KANK1: variants seen among roughly 807,000 people sequenced by gnomAD.
KANK1 encodes KN motif and ankyrin repeat domain-containing protein 1.
KANK1 carries 109 observed loss-of-function variants against 106.2 expected under a neutral mutation model. The ratio of observed to expected loss-of-function variants is 1.03; its 90% CI spans 0.88 to 1.20. The LOEUF is 1.20. Among genes scored for constraint, KANK1 ranks in the 50% most tolerant of loss-of-function variants. The pLI is 0.00. For synonymous variants in KANK1, 873 were observed against 652.2 expected (o/e 1.34, Z -5.16); for missense variants, 2,399 against 1,710.7 (o/e 1.40, Z -7.10).
intron 10 of KANK1, 36 bp from the exon 11 acceptor site, chr9:744,455 A>G: frequency 6.3e-7 from 1 of 1,593,700 alleles, no homozygotes; most frequent in Non-Finnish European, 8.6e-7. Context: ...GGTTTGAGAA[A>G]CCCAACATGG....
At chr9:626,159 T>C (rs1233550806) in intron 1 of KANK1, among the ~76,000 whole-genome samples, 3 of 152,176 alleles carry the variant, frequency 2.0e-5, no homozygotes, top group African/African-American at 4.8e-5. Context: ...TTAAGTATTT[T>C]ATGTACTGTA....
chr9:523,580 C>T (rs1471675384), intron 1 of KANK1, among the ~76,000 whole-genome samples: 6 of 151,750 alleles, frequency 4.0e-5, no homozygotes, highest in African/African-American at 1.2e-4. Flanking sequence ...CTGTCCTTGC[C>T]CGGTCCCTTG....
intron 3 of KANK1, among the ~76,000 whole-genome samples, chr9:729,044 A>T (rs915722473): frequency 6.6e-6 from 1 of 152,216 alleles, no homozygotes; most frequent in African/African-American, 2.4e-5. Context: ...TTGGTCATTC[A>T]TACTTGGCTC....
At chr9:613,315 A>G (rs1962204) in intron 1 of KANK1, among the ~76,000 whole-genome samples, 38,259 of 149,940 alleles carry the variant, frequency 0.26, 5,100 homozygotes, top group Admixed American at 0.34. Context: ...GATAGCAAGT[A>G]CAGCTGTAAC....
intron 2 of KANK1, among the ~76,000 whole-genome samples, chr9:681,711 C>A (rs952481751): frequency 6.6e-6 from 1 of 152,118 alleles, no homozygotes; most frequent in African/African-American, 2.4e-5. Flanking sequence ...AGGAAACATC[C>A]CAGGTACCCT....
chr9:568,396 A>G (rs4740818), intron 1 of KANK1, among the ~76,000 whole-genome samples: 35,630 of 152,122 alleles, frequency 0.23, 4,676 homozygotes, highest in East Asian at 0.56. Context: ...AAGTTTCTGA[A>G]ATTTTTACAG....
chr9:596,480 C>A lies in KANK1; in HGVS notation c.-83-80410C>A, dbSNP rs142796520. ...AGCTGAACTAGGCTTTTGTTTCTGG[C>A]AATGGATCATTTTGCTGTCACGGAG... On this transcript the variant is annotated intron_variant, in intron 1 of 11. Transcript: ENST00000382297. Among the ~76,000 whole-genome samples the A allele has an allele frequency of 6.6e-3, 995 of 151,806 alleles. 14 individuals are homozygous for A. Among genetic ancestry groups the A allele is most frequent in the Non-Finnish European group, 7.7e-3 (526 of 68,022 alleles).
chr9:622,704 C>G (rs1833430085), intron 1 of KANK1, among the ~76,000 whole-genome samples: 1 of 151,930 alleles, frequency 6.6e-6, no homozygotes, highest in Admixed American at 6.6e-5. Context: ...GAGTTTGAGA[C>G]CAGCCTGGCC....
chr9:518,763 T>TA (rs1332708361), intron 1 of KANK1, among the ~76,000 whole-genome samples: 3 of 151,466 alleles, frequency 2.0e-5, no homozygotes, highest in Non-Finnish European at 4.4e-5. Flanking sequence ...CTGTATGACA[T>TA]ACAGTGAACA....
At chr9:494,999 G>C (rs1010064220) in intron 3 of KANK1, among the ~76,000 whole-genome samples, 2 of 152,162 alleles carry the variant, frequency 1.3e-5, no homozygotes, top group East Asian at 1.9e-4. Context: ...CAAATACAAG[G>C]CTAACCTAAG....
At position 745,184 on chromosome 9, in the gene KANK1, G is replaced by A. The variant is rs1030165144; in HGVS notation, c.4008G>A (p.Arg1336=). ...TTCCTGGTCTCTAGGGCACCCCTAG[G>A]CTTGGAAGGAAGACGTCTCCTGGCC... is the stretch of plus-strand genomic sequence containing the variant. The part of the protein sequence containing the change: ...FAKAQSPGTP[R]LGRKTSPGPT... Residue 1336 remains arginine (R), a synonymous_variant, in exon 12 of 12, where the codon AGG becomes AGA. Transcript: ENST00000382297. The A allele has an allele frequency of 1.2e-6, 2 of 1,613,950 alleles. No homozygotes were observed. Among genetic ancestry groups the A allele is most frequent in the Admixed American group, 3.3e-5 (2 of 60,006 alleles).
chr9:652,926 A>G (rs1841243554), intron 1 of KANK1, among the ~76,000 whole-genome samples: 2 of 152,174 alleles, frequency 1.3e-5, no homozygotes, highest in Admixed American at 6.5e-5. Context: ...TTAGAGGAGA[A>G]CACAGAGCCC....
intron 2 of KANK1, among the ~76,000 whole-genome samples, chr9:688,109 T>G (rs1818977665): frequency 6.6e-6 from 1 of 152,210 alleles, no homozygotes; most frequent in Admixed American, 6.5e-5. Flanking sequence ...TGTGCTATAT[T>G]CTTTGCAGTT....
chr9:727,841 A>G (rs1483457280), intron 3 of KANK1, among the ~76,000 whole-genome samples: 1 of 152,168 alleles, frequency 6.6e-6, no homozygotes, highest in Non-Finnish European at 1.5e-5. Flanking sequence ...AAAATTCTAC[A>G]ATATATCTGT....
chr9:622,678 C>A (rs896644237), intron 1 of KANK1, among the ~76,000 whole-genome samples: 15 of 151,996 alleles, frequency 9.9e-5, no homozygotes, highest in Non-Finnish European at 2.1e-4. Context: ...CTGAGGCTGG[C>A]GGATCACAAG....
intron 1 of KANK1, among the ~76,000 whole-genome samples, chr9:619,426 C>T (rs1443720349): frequency 6.6e-6 from 1 of 152,106 alleles, no homozygotes; most frequent in African/African-American, 2.4e-5. Context: ...GTATAATTGT[C>T]CCTTTGCCTA....
At chr9:734,881 T>G (rs369614830) in intron 7 of KANK1, 46 bp downstream of exon 7, 2 of 1,401,172 alleles carry the variant, frequency 1.4e-6, no homozygotes, top group African/African-American at 2.8e-5. Context: ...ACAAAGTGCA[T>G]GAGTGGGTTC....
intron 1 of KANK1, among the ~76,000 whole-genome samples, chr9:607,726 T>A (rs1396327093): frequency 6.6e-6 from 1 of 151,648 alleles, no homozygotes; most frequent in Non-Finnish European, 1.5e-5. Context: ...AGAACCTCTG[T>A]AGTTTCTTCC....
chr9:628,910 C>A (rs144326908), intron 1 of KANK1, among the ~76,000 whole-genome samples: 1,601 of 149,552 alleles, frequency 0.011, 16 homozygotes, highest in Middle Eastern at 0.017. Flanking sequence ...GAAACCCCAT[C>A]TCTACTAAAA....
Sources: allele counts gnomAD v4.1 joint callset (sites outside exome capture counted in the v4.1 genomes callset), GRCh38; gene constraint gnomAD v4.1.1; transcripts MANE v1.5; gene names NCBI Gene and HGNC (gene_info 2026-07-23, HGNC 2026-07-21).